Variants in ASTN1 observed in about 807,000 individuals in gnomAD.
ASTN1 encodes the protein astrotactin 1.
Under a neutral mutation model 140.7 loss-of-function variants are expected in ASTN1, and 41 were observed. That is an observed-to-expected ratio of 0.29 (90% CI 0.23 to 0.38). The LOEUF is 0.38. ASTN1 is among the 10% of genes least tolerant of loss of function. ASTN1 has a pLI of 1.00. For synonymous variants in ASTN1, 640 were observed against 652.2 expected, an observed-to-expected ratio of 0.98 and a Z score of 0.29; for missense variants, 1,479 against 1,678.8, an observed-to-expected ratio of 0.88 and a Z score of 2.08.
intron 1 of ASTN1, among the ~76,000 whole-genome samples, chr1:177,132,562 C>T (rs565229986): frequency 2.3e-4 from 35 of 152,178 alleles, no homozygotes; most frequent in Non-Finnish European, 4.1e-4. Flanking sequence ...ATAATCATGT[C>T]AATGGAACAT....
At chr1:176,894,476 C>T in intron 17 of ASTN1, 86 bp downstream of exon 17, 1 of 1,519,930 alleles carries the variant, frequency 6.6e-7, no homozygotes, top group South Asian at 1.3e-5. Context: ...TGGCCCTCAA[C>T]CACACCCTGT....
At chr1:177,133,426 A>G (rs945014590) in intron 1 of ASTN1, among the ~76,000 whole-genome samples, 1 of 152,216 alleles carries the variant, frequency 6.6e-6, no homozygotes, top group African/African-American at 2.4e-5. Context: ...TCTCCTCTGT[A>G]TCAAAAACAC....
chr1:176,885,697 C>T (rs575506965), intron 18 of ASTN1, among the ~76,000 whole-genome samples: 39 of 152,296 alleles, frequency 2.6e-4, no homozygotes, highest in African/African-American at 9.4e-4. Context: ...TCTTCAATTT[C>T]AATTCAACAG....
rs1413429372 is a variant in ASTN1, at chr1:176,985,469, C to T, written c.1524-20232G>A. On this transcript the variant is annotated intron_variant, in intron 8 of 22. Transcript: ENST00000361833. Reference sequence around the variant, plus strand: ...GTCACTGCACCCCTCACACTCTTTGCAACTTAAAAAAAATGGAGCCAATCA... The same window carrying T: ...GTCACTGCACCCCTCACACTCTTTGTAACTTAAAAAAAATGGAGCCAATCA... 2.0e-5 allele frequency among the ~76,000 whole-genome samples: 3 copies of T among 152,244 alleles called. No homozygotes were observed. The East Asian group carries it at 5.8e-4, about 29-fold the overall frequency.
chr1:177,084,400 TC>T (rs1176210336), intron 1 of ASTN1, among the ~76,000 whole-genome samples: 2 of 152,038 alleles, frequency 1.3e-5, no homozygotes, highest in East Asian at 3.9e-4. Context: ...AACGAGTGTG[TC>T]CCCCCACAAA....
At chr1:177,148,355 T>C (rs990982859) in intron 1 of ASTN1, among the ~76,000 whole-genome samples, 4 of 150,620 alleles carry the variant, frequency 2.7e-5, no homozygotes, top group Non-Finnish European at 4.4e-5. Context: ...GAGGTGGAGG[T>C]TGCAGTGAGC....
intron 1 of ASTN1, among the ~76,000 whole-genome samples, chr1:177,065,432 T>A (rs1571731573): frequency 6.6e-6 from 1 of 152,184 alleles, no homozygotes; most frequent in East Asian, 1.9e-4. Context: ...TGTTACATGG[T>A]CCCTATTCTC....
At chr1:176,881,377 C>T (rs1178952930) in intron 20 of ASTN1, among the ~76,000 whole-genome samples, 4 of 152,140 alleles carry the variant, frequency 2.6e-5, no homozygotes, top group Non-Finnish European at 4.4e-5. Flanking sequence ...TGAGGAGGGT[C>T]GCAGTGTGGG....
At chr1:177,036,284 T>C (rs956420417) in intron 2 of ASTN1, among the ~76,000 whole-genome samples, 1 of 151,900 alleles carries the variant, frequency 6.6e-6, no homozygotes, top group Non-Finnish European at 1.5e-5. Flanking sequence ...TGACCTCAGG[T>C]GATCCACCCG....
intron 12 of ASTN1, among the ~76,000 whole-genome samples, chr1:176,946,615 T>C (rs894047101): frequency 1.3e-5 from 2 of 152,180 alleles, no homozygotes; most frequent in African/African-American, 2.4e-5. Flanking sequence ...ACTAAGAAAT[T>C]AGAAAGATTT....
At chr1:177,032,233 G>A (rs1676477700) in intron 3 of ASTN1, among the ~76,000 whole-genome samples, 7 of 152,156 alleles carry the variant, frequency 4.6e-5, no homozygotes, top group Admixed American at 4.6e-4. Flanking sequence ...AGTGCCTGGT[G>A]GAAGTGAAAG....
intron 13 of ASTN1, 91 bp from the exon 14 acceptor site, chr1:176,944,109 C>G (rs925701431): frequency 1.3e-6 from 2 of 1,511,966 alleles, no homozygotes; most frequent in Admixed American, 3.7e-5. Context: ...CGGAGTTTCA[C>G]TCTTGTTGCC....
intron 1 of ASTN1, among the ~76,000 whole-genome samples, chr1:177,110,756 G>A (rs1680787167): frequency 6.6e-6 from 1 of 152,174 alleles, no homozygotes; most frequent in Admixed American, 6.5e-5. Flanking sequence ...GTAAATGGCA[G>A]AGCCACAGTC....
chr1:177,017,901 T>C (rs540291689), intron 7 of ASTN1, among the ~76,000 whole-genome samples: 1 of 152,156 alleles, frequency 6.6e-6, no homozygotes, highest in South Asian at 2.1e-4. Context: ...ATAAATCTCA[T>C]TCAAAGATTA....
chr1:177,033,123 C>CTGTGTGTGTGTGTGTGTGTGTGTG (rs10603141), intron 2 of ASTN1, among the ~76,000 whole-genome samples: 3 of 146,234 alleles, frequency 2.1e-5, no homozygotes, highest in East Asian at 2.1e-4. Flanking sequence ...AGAAACAAGT[C>CTGTGTGTGTGTGTGTGTGTGTGTG]TGTGTGTGTG....
chr1:176,879,169 CTA>C (rs1668686343), intron 20 of ASTN1, among the ~76,000 whole-genome samples: 3 of 152,208 alleles, frequency 2.0e-5, no homozygotes, highest in Non-Finnish European at 4.4e-5. Flanking sequence ...CTCCCTCTTC[CTA>C]CAGGGCCTGC....
chr1:177,136,577 T>C (rs10047171), intron 1 of ASTN1, among the ~76,000 whole-genome samples: 24,605 of 152,020 alleles, frequency 0.16, 4,089 homozygotes, highest in African/African-American at 0.43. Flanking sequence ...TGGTCTTGAA[T>C]TCCTGACCTC....
intron 1 of ASTN1, among the ~76,000 whole-genome samples, chr1:177,068,380 GACTTGCTGGGATTTGGAATAGAAATATCC>G (rs1161575424): frequency 6.6e-6 from 1 of 152,188 alleles, no homozygotes; most frequent in African/African-American, 2.4e-5. Flanking sequence ...AAATCTTCTT[GACTTGCTGGGATTTGGAATAGAAATATCC>G]ACTTGTGACT....
At chr1:177,062,437 A>T (rs1046589691) in intron 1 of ASTN1, among the ~76,000 whole-genome samples, 4 of 150,490 alleles carry the variant, frequency 2.7e-5, no homozygotes, top group Admixed American at 2.7e-4. Context: ...TAGAGACAGG[A>T]TCTCCATATG....
Sources: allele counts gnomAD v4.1 joint callset (sites outside exome capture counted in the v4.1 genomes callset), GRCh38; gene constraint gnomAD v4.1.1; transcripts MANE v1.5; gene names NCBI Gene and HGNC (gene_info 2026-07-23, HGNC 2026-07-21).